RAB3B: variants seen among roughly 807,000 people sequenced by gnomAD.
RAB3B encodes RAB3B, member RAS oncogene family.
In RAB3B, 11 loss-of-function variants were observed where a neutral mutation model predicts 20.5. That is an observed-to-expected ratio of 0.54 (90% confidence interval 0.34 to 0.89). The LOEUF (loss-of-function observed/expected upper bound fraction) is 0.89, where lower values mean the gene tolerates loss of function less well. Ranked by LOEUF, RAB3B falls within the 40% of genes least tolerant of loss-of-function variation. RAB3B has a pLI of 0.02. For missense variants in RAB3B, 225 were observed against 280.9 expected, an observed-to-expected ratio of 0.80 and a Z score of 1.42; for synonymous variants, 99 against 106.3, an observed-to-expected ratio of 0.93 and a Z score of 0.42.
In RAB3B at chr1:51,919,391, C is replaced by T. The variant is rs1684136551; in HGVS notation, c.*536G>A. 1 of 152,592 alleles carries T rather than the reference C, an allele frequency of 6.6e-6. No individual in the cohort carries two copies. Among genetic ancestry groups the T allele is most frequent in the Admixed American group, 6.5e-5 (1 of 15,318 alleles). 9.5% of individuals were successfully genotyped at this position (152,592 alleles called of 1,614,324 possible). On this transcript the variant is annotated 3_prime_UTR_variant, in exon 5 of 5. Transcript: ENST00000371655. The stretch of plus-strand genomic sequence containing the variant: ...TCTTCCTGTCGCCACAGCAACTGCC[C>T]AGGCCCTGTGGGCATCCGTGGTAAC...
chr1:51,941,266 C>A (rs1204741777), intron 2 of RAB3B, among the ~76,000 whole-genome samples: 1 of 152,048 alleles, frequency 6.6e-6, no homozygotes, highest in African/African-American at 2.4e-5. Flanking sequence ...GGTGATGAAG[C>A]TAGAAAGAGC....
chr1:51,984,476 C>G (rs1323338221), intron 1 of RAB3B, among the ~76,000 whole-genome samples: 1 of 148,202 alleles, frequency 6.7e-6, no homozygotes, highest in Admixed American at 6.7e-5. Context: ...CTGCAACCTC[C>G]AACTCCTGGG....
chr1:51,946,743 T>C (rs757584663), intron 2 of RAB3B, among the ~76,000 whole-genome samples: 7 of 152,260 alleles, frequency 4.6e-5, no homozygotes, highest in Non-Finnish European at 1.0e-4. Context: ...GGTAACAAAA[T>C]AACACTGTTA....
intron 2 of RAB3B, among the ~76,000 whole-genome samples, chr1:51,967,521 C>CTTTCTTTTTTTT (rs1684870635): frequency 2.7e-5 from 1 of 36,498 alleles, no homozygotes; most frequent in Non-Finnish European, 5.7e-5. Flanking sequence ...TTTTCTTTTT[C>CTTTCTTTTTTTT]TTTTTTTTTT....
At chr1:51,937,249 TA>T in intron 3 of RAB3B, 44 bp downstream of exon 3, 1 of 1,459,866 alleles carries the variant, frequency 6.8e-7, no homozygotes, top group Non-Finnish European at 9.6e-7. Context: ...TGTTAGGTTT[TA>T]ATGAACAGTT....
intron 1 of RAB3B, among the ~76,000 whole-genome samples, chr1:51,978,951 G>C (rs961678669): frequency 6.6e-6 from 1 of 152,190 alleles, no homozygotes; most frequent in Non-Finnish European, 1.5e-5. Context: ...TTTAATAAAA[G>C]TTCCTTGCAT....
At chr1:51,964,759 T>A (rs556149754) in intron 2 of RAB3B, among the ~76,000 whole-genome samples, 3 of 152,318 alleles carry the variant, frequency 2.0e-5, no homozygotes, top group Admixed American at 1.3e-4. Context: ...TCAACATACA[T>A]GCAAAATCTG....
chr1:51,956,388 C>T (rs1474629320), intron 2 of RAB3B, among the ~76,000 whole-genome samples: 1 of 152,198 alleles, frequency 6.6e-6, no homozygotes, highest in Admixed American at 6.5e-5. Flanking sequence ...GACAAATAAA[C>T]TGAGAGGCAC....
chr1:51,956,265 T>C (rs1684705564), intron 2 of RAB3B, among the ~76,000 whole-genome samples: 1 of 152,192 alleles, frequency 6.6e-6, no homozygotes, highest in Admixed American at 6.5e-5. Context: ...ATTGTTATAA[T>C]CAAATAATAA....
rs1683971531 is a variant in RAB3B, at chr1:51,909,782, C to T, written c.*10145G>A. On this transcript the variant is annotated 3_prime_UTR_variant, in exon 5 of 5. Transcript: ENST00000371655. ...CTCCATCTCCTACTTACACAATGCC[C>T]CTTCTCTTGCTCCTTTGCTCATGGT... 1 of 152,286 alleles carries T rather than the reference C, an allele frequency of 6.6e-6. No individual in the cohort carries two copies. Among genetic ancestry groups the T allele is most frequent in the Admixed American group, 6.6e-5 (1 of 15,252 alleles). The allele number at this position is 152,286 out of a possible 1,614,324, so 9.4% of individuals were successfully genotyped here.
intron 2 of RAB3B, among the ~76,000 whole-genome samples, chr1:51,937,914 G>A (rs1443304157): frequency 2.0e-5 from 3 of 151,078 alleles, no homozygotes; most frequent in African/African-American, 7.3e-5. Context: ...TAAAGGAAAA[G>A]TGGACAAGAG....
intron 2 of RAB3B, among the ~76,000 whole-genome samples, chr1:51,961,491 C>G (rs900084155): frequency 1.3e-5 from 2 of 151,948 alleles, no homozygotes; most frequent in African/African-American, 4.8e-5. Flanking sequence ...GGCAAACATC[C>G]CTAATTTTGA....
At chr1:51,985,632 T>C (rs1201231668) in intron 1 of RAB3B, among the ~76,000 whole-genome samples, 2 of 152,186 alleles carry the variant, frequency 1.3e-5, no homozygotes, top group African/African-American at 4.8e-5. Context: ...CTGACAATAA[T>C]ACTTACTTCA....
At chr1:51,963,152 C>G (rs1684805382) in intron 2 of RAB3B, among the ~76,000 whole-genome samples, 1 of 152,296 alleles carries the variant, frequency 6.6e-6, no homozygotes, top group African/African-American at 2.4e-5. Flanking sequence ...ACCTCAGTAA[C>G]TCACTCTCAC....
At chr1:51,939,816 C>T (rs1684465884) in intron 2 of RAB3B, among the ~76,000 whole-genome samples, 1 of 152,188 alleles carries the variant, frequency 6.6e-6, no homozygotes, top group Non-Finnish European at 1.5e-5. Context: ...CTCAAGTGAT[C>T]CTCCTGCCTC....
intron 4 of RAB3B, among the ~76,000 whole-genome samples, chr1:51,927,017 AAGGTCACAAG>A (rs1424358783): frequency 6.6e-6 from 1 of 152,226 alleles, no homozygotes; most frequent in African/African-American, 2.4e-5. Context: ...AGTGACAACA[AAGGTCACAAG>A]AGGATTTTCG....
Position 51,912,602 on chromosome 1 carries a change from A to ATATATATATATATAT in RAB3B, c.*7324_*7325insATATATATATATATA, listed in dbSNP as rs1557958127. The ATATATATATATATAT allele has an allele frequency of 6.1e-5, 1 of 16,270 alleles. No individual in the cohort carries two copies. Among genetic ancestry groups the ATATATATATATATAT allele is most frequent in the Non-Finnish European group, 1.1e-4 (1 of 8,898 alleles). The allele number at this position is 16,270 out of a possible 1,614,324, so 1.0% of individuals were successfully genotyped here. ...ATATATATATATATATATATATATA[A>ATATATATATATATAT]AAAATGTTACTCCTGTGAGACAGAA... is the stretch of plus-strand genomic sequence containing the variant. On this transcript the variant is annotated 3_prime_UTR_variant, in exon 5 of 5. Coordinates refer to ENST00000371655, the MANE Select transcript of RAB3B (RefSeq NM_002867.4).
intron 4 of RAB3B, among the ~76,000 whole-genome samples, chr1:51,928,574 AGAGGG>A (rs1229115333): frequency 2.6e-5 from 4 of 152,254 alleles, no homozygotes; most frequent in Non-Finnish European, 4.4e-5. Flanking sequence ...CTGAGACAGC[AGAGGG>A]GTAGTCACTG....
intron 3 of RAB3B, among the ~76,000 whole-genome samples, chr1:51,936,591 T>C (rs983516005): frequency 6.6e-6 from 1 of 152,196 alleles, no homozygotes; most frequent in African/African-American, 2.4e-5. Flanking sequence ...CACTCGCACC[T>C]ACCTTCTCAC....
Sources: gnomAD v4.1 joint callset for allele counts (sites outside exome capture counted in the v4.1 genomes callset) on GRCh38, gnomAD v4.1.1 for gene constraint, MANE v1.5 for transcripts, NCBI Gene and HGNC (gene_info 2026-07-23, HGNC 2026-07-21) for gene names.